The following ALG6 variants were observed in gnomAD, a reference collection of about 807,000 sequenced individuals.
ALG6 encodes the protein dolichyl pyrophosphate Man9GlcNAc2 alpha-1,3-glucosyltransferase.
A neutral mutation model predicts 66.6 loss-of-function variants in ALG6; 46 were observed. The observed-to-expected ratio is 0.69, with a 90% confidence interval of 0.55 to 0.88. ALG6 has a LOEUF of 0.88. Among genes scored for constraint, ALG6 ranks in the 40% least tolerant of loss-of-function variants. ALG6 has a pLI of 0.00. For missense variants in ALG6, 505 were observed against 586.8 expected (o/e 0.86, Z 1.44); for synonymous variants, 185 against 203.7 (o/e 0.91, Z 0.78).
chr1:63,388,332 A>G (rs919235474), intron 2 of ALG6, among the ~76,000 whole-genome samples: 2 of 152,210 alleles, frequency 1.3e-5, no homozygotes, highest in African/African-American at 4.8e-5. Context: ...TGCCCAGCTA[A>G]TTTTTTGTAT....
At chr1:63,379,632 T>C (rs1171850853) in intron 2 of ALG6, among the ~76,000 whole-genome samples, 3 of 152,134 alleles carry the variant, frequency 2.0e-5, no homozygotes, top group Non-Finnish European at 2.9e-5. Context: ...ATCTACACTT[T>C]GCTGTTGTTT....
At chr1:63,427,372 G>A (rs558900461) in intron 12 of ALG6, among the ~76,000 whole-genome samples, 1 of 151,904 alleles carries the variant, frequency 6.6e-6, no homozygotes, top group South Asian at 2.1e-4. Context: ...TCATATATTA[G>A]TTGACATAGG....
At position 63,415,912 on chromosome 1, in the gene ALG6, A is replaced by G. The variant is rs774489558; in HGVS notation, c.942A>G (p.Ile314Met). Residue 314 changes from isoleucine (I) to methionine (M), a missense_variant, in exon 11 of 15, where the codon ATA becomes ATG. Transcript: ENST00000263440. Reference protein sequence around the residue: ...STFLSLLPACIKLILQPSSKG... With the variant: ...STFLSLLPACMKLILQPSSKG... ...TTTTGAGCCTGCTTCCTGCATGCAT[A>G]AAATTAATACTTCAGCCCTCTTCCA... 44 of 1,611,946 alleles carry G rather than the reference A, an allele frequency of 2.7e-5. No homozygotes were observed. Among genetic ancestry groups the G allele is most frequent in the Non-Finnish European group, 3.3e-5 (39 of 1,178,532 alleles).
chr1:63,400,536 AT>A (rs1027969688), intron 3 of ALG6, among the ~76,000 whole-genome samples: 6 of 150,804 alleles, frequency 4.0e-5, no homozygotes, highest in African/African-American at 9.8e-5. Flanking sequence ...TAAATCCTAT[AT>A]TTTTTTCCTC....
intron 12 of ALG6, among the ~76,000 whole-genome samples, chr1:63,422,439 A>ATAAG (rs1481855809): frequency 3.3e-5 from 2 of 60,176 alleles, no homozygotes; most frequent in African/African-American, 1.9e-4. Flanking sequence ...ATAAATATAT[A>ATAAG]TATAAATATA....
At chr1:63,376,140 C>T (rs1273421259) in intron 2 of ALG6, among the ~76,000 whole-genome samples, 1 of 152,178 alleles carries the variant, frequency 6.6e-6, no homozygotes, top group East Asian at 1.9e-4. Flanking sequence ...TCAGATTGTA[C>T]AGCCTACTAC....
intron 2 of ALG6, among the ~76,000 whole-genome samples, chr1:63,372,082 G>C (rs1383906230): frequency 6.6e-6 from 1 of 152,200 alleles, no homozygotes; most frequent in South Asian, 2.1e-4. Context: ...CTAGGCAAAT[G>C]AAGTGGAGAA....
chr1:63,386,304 G>A (rs569898407), intron 2 of ALG6, among the ~76,000 whole-genome samples: 1 of 152,036 alleles, frequency 6.6e-6, no homozygotes, highest in South Asian at 2.1e-4. Flanking sequence ...TCTTTCTCTG[G>A]TGTTGTTATT....
intron 14 of ALG6, among the ~76,000 whole-genome samples, chr1:63,431,982 ACTTTTAT>A (rs1440128264): frequency 6.6e-6 from 1 of 152,122 alleles, no homozygotes; most frequent in Non-Finnish European, 1.5e-5. Flanking sequence ...AATGTGGATG[ACTTTTAT>A]CTTTTATTTC....
intron 2 of ALG6, among the ~76,000 whole-genome samples, chr1:63,371,500 T>G (rs747698866): frequency 6.6e-6 from 1 of 152,208 alleles, no homozygotes; most frequent in African/African-American, 2.4e-5. Flanking sequence ...AATGTAACTC[T>G]GCAGGTACCT....
At chr1:63,425,346 A>G (rs959442792) in intron 12 of ALG6, among the ~76,000 whole-genome samples, 3 of 152,190 alleles carry the variant, frequency 2.0e-5, no homozygotes, top group Non-Finnish European at 4.4e-5. Flanking sequence ...AAGAATTGGC[A>G]TTGGACAGAT....
chr1:63,422,338 A>AATATAAATATATATAT (rs1644587688), intron 12 of ALG6, among the ~76,000 whole-genome samples: 1 of 98,718 alleles, frequency 1.0e-5, no homozygotes, highest in Non-Finnish European at 1.9e-5. Flanking sequence ...TATCTATAGG[A>AATATAAATATATATAT]ATATAAATAT....
rs1557597554 is a variant in ALG6, at chr1:63,428,939, T to G, written c.1139T>G (p.Leu380Arg). Residue 380 changes from leucine (L) to arginine (R), a missense_variant, in exon 14 of 15, where the codon CTT (leucine) becomes CGT (arginine). Leu to Arg is a moderately radical substitution (Grantham distance 102). Coordinates refer to ENST00000263440, the MANE Select transcript of ALG6 (RefSeq NM_013339.4). ...LLVSTFSMLP[L>R]LLKDELLMPS... ...ATTTTCCTTTACAGTATGCTACCTC[T>G]TCTATTGAAGGATGAACTCCTAATG... 6.2e-7 allele frequency: 1 copy of G among 1,613,298 alleles called. No homozygotes were observed. Among genetic ancestry groups the G allele is most frequent in the Admixed American group, 1.7e-5 (1 of 59,986 alleles).
At chr1:63,422,201 A>G (rs1414723581) in intron 12 of ALG6, among the ~76,000 whole-genome samples, 1 of 126,088 alleles carries the variant, frequency 7.9e-6, no homozygotes, top group Non-Finnish European at 1.6e-5. Flanking sequence ...ATATATCTAT[A>G]TGAATATAAA....
At chr1:63,371,106 A>T (rs1203919153) in intron 2 of ALG6, 47 bp downstream of exon 2, 1 of 1,329,470 alleles carries the variant, frequency 7.5e-7, no homozygotes, top group East Asian at 2.3e-5. Context: ...TTTCCTTTGA[A>T]TAGGTGTTTG....
intron 7 of ALG6, among the ~76,000 whole-genome samples, chr1:63,409,428 C>A (rs1644506012): frequency 1.3e-5 from 2 of 152,098 alleles, no homozygotes; most frequent in South Asian, 4.1e-4. Flanking sequence ...GATTTTCTCA[C>A]TTTTTTCTTT....
intron 1 of ALG6, 41 bp from the exon 2 acceptor site, chr1:63,370,730 T>C (rs1647894782): frequency 2.0e-6 from 1 of 503,160 alleles, no homozygotes; most frequent in Admixed American, 3.3e-5. Context: ...TTGTAGGTAC[T>C]GTACTCAGCT....
chr1:63,420,617 T>C (rs1644568215), intron 12 of ALG6, among the ~76,000 whole-genome samples: 1 of 152,074 alleles, frequency 6.6e-6, no homozygotes, highest in South Asian at 2.1e-4. Flanking sequence ...TCCCAGCACT[T>C]TGGGAGGCTG....
In ALG6 at chr1:63,428,901, G is replaced by T. The variant is rs533809901; in HGVS notation, c.1128-27G>T. 7.5e-6 allele frequency: 12 copies of T among 1,604,488 alleles called. No homozygotes were observed. The South Asian group carries it at 1.0e-4, about 13-fold the overall frequency. ...TATGGTTTGAATTGATAATTCTCTTGTGATTTTTAAAAATTTTCCTTTACA... is the reference window on the plus strand; with the variant it reads ...TATGGTTTGAATTGATAATTCTCTTTTGATTTTTAAAAATTTTCCTTTACA... On this transcript the variant is annotated intron_variant, in intron 13 of 14. Transcript: ENST00000263440.
Sources: gnomAD v4.1 joint callset for allele counts (sites outside exome capture counted in the v4.1 genomes callset) on GRCh38, gnomAD v4.1.1 for gene constraint, MANE v1.5 for transcripts, NCBI Gene and HGNC (gene_info 2026-07-23, HGNC 2026-07-21) for gene names.